The following SOX5 variants were observed in gnomAD, a reference collection of about 807,000 sequenced individuals.
SOX5 encodes SRY-box transcription factor 5.
SOX5 carries 9 observed loss-of-function variants against 92.0 expected under a neutral mutation model. The ratio of observed to expected loss-of-function variants is 0.10; its 90% CI spans 0.06 to 0.17. The LOEUF (loss-of-function observed/expected upper bound fraction) is 0.17. SOX5 is among the 10% of genes least tolerant of loss of function. SOX5 has a pLI of 1.00. For synonymous variants in SOX5, 344 were observed against 336.3 expected (o/e 1.02, Z -0.25); for missense variants, 642 against 944.5 (o/e 0.68, Z 4.20).
At chr12:24,387,864 T>G (rs1958589450) in intron 1 of SOX5, among the ~76,000 whole-genome samples, 1 of 152,202 alleles carries the variant, frequency 6.6e-6, no homozygotes, top group African/African-American at 2.4e-5. Flanking sequence ...ATTTATTTAT[T>G]CACATGGGGT....
At chr12:24,479,718 T>C (rs936168729) in intron 1 of SOX5, among the ~76,000 whole-genome samples, 8 of 152,106 alleles carry the variant, frequency 5.3e-5, no homozygotes, top group African/African-American at 1.9e-4. Flanking sequence ...CAGGCTGGAA[T>C]GCAGTGGCAC....
At chr12:24,410,233 A>G (rs933423258) in intron 1 of SOX5, among the ~76,000 whole-genome samples, 5 of 152,100 alleles carry the variant, frequency 3.3e-5, no homozygotes, top group African/African-American at 1.2e-4. Context: ...CCTGAGTTCA[A>G]TTGATCCGCT....
Position 24,026,769 on chromosome 12 carries a change from C to T in SOX5, c.-1-130745G>A, listed in dbSNP as rs530420426. 1.9e-3 allele frequency among the ~76,000 whole-genome samples: 289 copies of T among 151,990 alleles called. 2 individuals carry two copies. Among genetic ancestry groups the T allele is most frequent in the African/African-American group, 2.0e-3 (82 of 41,486 alleles). On this transcript the variant is annotated intron_variant, in intron 4 of 4. Coordinates refer to the SOX5 transcript ENST00000446891. ...TGTAAACTCATTCACTCAGGAAAAG[C>T]GGAAGCCACTGAGGGAATTGTGCAC...
At chr12:23,763,699 G>A (rs545713517) in intron 3 of SOX5, among the ~76,000 whole-genome samples, 5 of 151,770 alleles carry the variant, frequency 3.3e-5, no homozygotes, top group Non-Finnish European at 7.4e-5. Flanking sequence ...CTTCCCAAAG[G>A]TTCTATTAGG....
At chr12:23,713,411 A>G (rs1567163776) in intron 6 of SOX5, among the ~76,000 whole-genome samples, 1 of 152,172 alleles carries the variant, frequency 6.6e-6, no homozygotes, top group Admixed American at 6.5e-5. Flanking sequence ...CACTAATAAC[A>G]TAACAGTTCT....
intron 4 of SOX5, among the ~76,000 whole-genome samples, chr12:23,956,259 G>T (rs1946266569): frequency 6.8e-6 from 1 of 147,128 alleles, no homozygotes; most frequent in East Asian, 2.0e-4. Flanking sequence ...TATAGGGGAA[G>T]AAATTATGGC....
At chr12:23,805,120 AT>A (rs1291097084) in intron 3 of SOX5, among the ~76,000 whole-genome samples, 1 of 151,498 alleles carries the variant, frequency 6.6e-6, no homozygotes, top group East Asian at 1.9e-4. Flanking sequence ...CATTCATTAC[AT>A]CATAATTCAT....
intron 4 of SOX5, among the ~76,000 whole-genome samples, chr12:24,102,886 C>T (rs1048042762): frequency 2.6e-5 from 4 of 152,078 alleles, no homozygotes; most frequent in Non-Finnish European, 4.4e-5. Flanking sequence ...TAACCTATGA[C>T]AGAAGACTGT....
chr12:23,934,265 T>C (rs1315083180), intron 1 of SOX5, among the ~76,000 whole-genome samples: 1 of 151,278 alleles, frequency 6.6e-6, no homozygotes, highest in African/African-American at 2.4e-5. Context: ...TCATTATGAG[T>C]CAGGTAACTC....
At chr12:23,814,123 G>C (rs917158826) in intron 3 of SOX5, among the ~76,000 whole-genome samples, 1 of 152,014 alleles carries the variant, frequency 6.6e-6, no homozygotes, top group Non-Finnish European at 1.5e-5. Context: ...TTAGTGCTTG[G>C]TAAGTATTTT....
At chr12:23,856,969 C>T (rs1015300649) in intron 2 of SOX5, among the ~76,000 whole-genome samples, 1 of 151,978 alleles carries the variant, frequency 6.6e-6, no homozygotes, top group African/African-American at 2.4e-5. Flanking sequence ...ATTAATGTTC[C>T]ATAAATTCAT....
At chr12:24,394,467 C>T (rs1959347105) in intron 1 of SOX5, among the ~76,000 whole-genome samples, 1 of 152,108 alleles carries the variant, frequency 6.6e-6, no homozygotes, top group South Asian at 2.1e-4. Flanking sequence ...CCATCCAGAC[C>T]AAGCTGAAGG....
At chr12:24,003,091 T>C (rs774077040) in intron 4 of SOX5, among the ~76,000 whole-genome samples, 2 of 152,092 alleles carry the variant, frequency 1.3e-5, no homozygotes, top group East Asian at 1.9e-4. Flanking sequence ...AGAAAAATTT[T>C]TGACTAAACC....
At chr12:23,884,973 C>A (rs1051908245) in intron 2 of SOX5, among the ~76,000 whole-genome samples, 9 of 152,182 alleles carry the variant, frequency 5.9e-5, no homozygotes, top group African/African-American at 2.2e-4. Flanking sequence ...AAGATATATT[C>A]AACAAGGCTT....
chr12:24,461,236 C>T (rs1254725555), intron 1 of SOX5, among the ~76,000 whole-genome samples: 1 of 131,460 alleles, frequency 7.6e-6, no homozygotes, highest in Non-Finnish European at 1.6e-5. Flanking sequence ...ATTTATTGTA[C>T]TGTTTGACAT....
intron 4 of SOX5, among the ~76,000 whole-genome samples, chr12:24,163,660 T>C (rs1036080810): frequency 4.6e-5 from 7 of 152,112 alleles, no homozygotes; most frequent in African/African-American, 1.4e-4. Context: ...GCATGGGGCA[T>C]AGGACTTCAA....
chr12:23,989,943 T>A (rs977595879), intron 4 of SOX5, among the ~76,000 whole-genome samples: 2 of 151,974 alleles, frequency 1.3e-5, no homozygotes, highest in African/African-American at 2.4e-5. Flanking sequence ...GAGAAAATAT[T>A]CAGATACAAA....
At chr12:24,365,930 C>T (rs1956127515) in intron 2 of SOX5, among the ~76,000 whole-genome samples, 1 of 151,942 alleles carries the variant, frequency 6.6e-6, no homozygotes, top group Non-Finnish European at 1.5e-5. Context: ...ATGTAACTTG[C>T]TTTTATTCTT....
At chr12:24,227,802 C>A (rs1962417843) in intron 3 of SOX5, 1 of 152,102 alleles carries the variant, frequency 6.6e-6, no homozygotes, top group African/African-American at 2.4e-5. Flanking sequence ...ACTGTCATCT[C>A]AAATCCTTTT....
Sources: gnomAD v4.1 joint callset for allele counts (sites outside exome capture counted in the v4.1 genomes callset) on GRCh38, gnomAD v4.1.1 for gene constraint, MANE v1.5 for transcripts, NCBI Gene and HGNC (gene_info 2026-07-23, HGNC 2026-07-21) for gene names.